RNF20: variants seen among roughly 807,000 people sequenced by gnomAD.
The protein encoded by RNF20 is E3 ubiquitin-protein ligase BRE1A.
A neutral mutation model predicts 126.2 loss-of-function variants in RNF20; 84 were observed. The observed-to-expected ratio is 0.67, with a 90% CI of 0.56 to 0.80. RNF20 has a LOEUF of 0.80. Ranked by LOEUF, RNF20 falls within the 30% of genes least tolerant of loss-of-function variation. The pLI, the probability that RNF20 is intolerant of heterozygous loss-of-function variation, is 0.00. For synonymous variants in RNF20, 400 were observed against 414.3 expected (o/e 0.97, Z 0.42); for missense variants, 869 against 1,188.2 (o/e 0.73, Z 3.95).
Position 101,557,472 on chromosome 9 carries a change from T to C in RNF20, c.2258T>C (p.Leu753Ser). The C allele has an allele frequency of 6.2e-7, 1 of 1,614,002 alleles. No homozygotes were observed. Among genetic ancestry groups the C allele is most frequent in the Non-Finnish European group, 8.5e-7 (1 of 1,179,932 alleles). ...CAAAATATCCGTTTGATGCAGCAAT[T>C]GCGGGAGAAGGATGATGCAAATTTC... ...QEQNIRLMQQ[L>S]REKDDANFKL... The change falls in exon 16 of 20, where the codon TTG becomes TCG. Residue 753 changes from leucine to serine, a missense_variant. Leu to Ser is a moderately radical substitution (Grantham distance 145). This residue lies in a region of RNF20 where 30 missense variants were observed against 75.2 expected (regional missense o/e 0.40). Transcript: ENST00000389120.
chr9:101,539,484 T>G (rs372239294), intron 2 of RNF20, among the ~76,000 whole-genome samples: 1 of 152,070 alleles, frequency 6.6e-6, no homozygotes, highest in African/African-American at 2.4e-5. Context: ...GTAGCAGAGA[T>G]AGAAGGAGAC....
At chr9:101,557,635 A>G in intron 16 of RNF20, 39 bp downstream of exon 16, 4 of 1,462,838 alleles carry the variant, frequency 2.7e-6, no homozygotes, top group Non-Finnish European at 3.8e-6. Flanking sequence ...CTGTTGAAAT[A>G]GGGTGCTTTC....
chr9:101,549,669 G>A (rs1290459595), intron 9 of RNF20, among the ~76,000 whole-genome samples: 1 of 152,086 alleles, frequency 6.6e-6, no homozygotes, highest in African/African-American at 2.4e-5. Context: ...CCTGGTAACG[G>A]GCGTCTTCCC....
intron 18 of RNF20, 165 bp downstream of exon 18, chr9:101,561,395 C>A: frequency 1.5e-6 from 1 of 673,286 alleles, no homozygotes; most frequent in Admixed American, 2.9e-5. Context: ...GCCATATCCT[C>A]AGACTCTTTT....
At chr9:101,561,834 A>G (rs1482872500) in intron 18 of RNF20, 76 bp from the exon 19 acceptor site, 2 of 973,872 alleles carry the variant, frequency 2.1e-6, no homozygotes, top group Non-Finnish European at 3.3e-6. Context: ...CACAACAGAA[A>G]ACTCAAGTCT....
intron 15 of RNF20, among the ~76,000 whole-genome samples, chr9:101,556,080 A>G (rs1827527297): frequency 6.6e-6 from 1 of 152,148 alleles, no homozygotes; most frequent in Non-Finnish European, 1.5e-5. Context: ...TAGAACAAGT[A>G]AAAAGAAAGA....
intron 13 of RNF20, among the ~76,000 whole-genome samples, chr9:101,553,236 C>G (rs537472689): frequency 6.6e-6 from 1 of 152,294 alleles, no homozygotes; most frequent in Non-Finnish European, 1.5e-5. Flanking sequence ...CATTGACACA[C>G]TAAGATAGAC....
chr9:101,546,753 G>C, intron 6 of RNF20, 67 bp from the exon 7 acceptor site: 2 of 1,528,078 alleles, frequency 1.3e-6, no homozygotes, highest in South Asian at 2.3e-5. Context: ...TCATAAGCAA[G>C]GGTTAATATT....
chr9:101,554,867 T>C (rs773403749), intron 15 of RNF20, 24 bp downstream of exon 15: 3 of 1,383,262 alleles, frequency 2.2e-6, no homozygotes, highest in Admixed American at 2.7e-5. Flanking sequence ...CTTTATTTAA[T>C]TGACTTTTTG....
rs748670338 is a variant in RNF20 at position 101,552,478 on chromosome 9, C to T, written c.1626C>T (p.Asp542=). 6.2e-7 allele frequency: 1 copy of T among 1,613,920 alleles called. No homozygotes were observed. Among genetic ancestry groups the T allele is most frequent in the East Asian group, 2.2e-5 (1 of 44,878 alleles). The change falls in exon 13 of 20, where the codon GAC becomes GAT. Residue 542 remains aspartate, a synonymous_variant. Coordinates refer to ENST00000389120, the MANE Select transcript of RNF20 (RefSeq NM_019592.7). ...CGGAGCTAAAACCAGATTCTGAGGA[C>T]TTATCCTCCCAGTCCTCAGCTTCAA... ...EPAELKPDSE[D]LSSQSSASKA...
At chr9:101,548,583 T>C (rs529116012) in intron 9 of RNF20, among the ~76,000 whole-genome samples, 5 of 152,318 alleles carry the variant, frequency 3.3e-5, no homozygotes, top group Non-Finnish European at 5.9e-5. Flanking sequence ...ACCTTAAATA[T>C]GTATAATTTT....
At position 101,535,408 on chromosome 9, in the gene RNF20, GTCT is replaced by G. The variant is rs1827167068; in HGVS notation, c.-9_-7del. 8 of 1,610,736 alleles carry G rather than the reference GTCT, an allele frequency of 5.0e-6. No homozygotes were observed. Among genetic ancestry groups the G allele is most frequent in the African/African-American group, 1.3e-5 (1 of 74,538 alleles). ...CTTTTTTTCTATCAGGAAAACGACT[GTCT>G]TCTTCTGCCAAAATGTCAGGAATTG... On this transcript the variant is annotated 5_prime_UTR_variant, in exon 2 of 20. Coordinates refer to ENST00000389120, the MANE Select transcript of RNF20 (RefSeq NM_019592.7).
intron 5 of RNF20, among the ~76,000 whole-genome samples, chr9:101,544,492 G>C (rs1391670927): frequency 6.6e-6 from 1 of 152,134 alleles, no homozygotes; most frequent in African/African-American, 2.4e-5. Context: ...GATCACCTGA[G>C]GTCAGGAGTT....
chr9:101,550,462 T>G (rs758111952), intron 9 of RNF20, 144 bp from the exon 10 acceptor site: 2 of 697,718 alleles, frequency 2.9e-6, no homozygotes, highest in Non-Finnish European at 5.0e-6. Context: ...TTTACATAAC[T>G]ACAGCAATGG....
rs778102352 is a variant in RNF20, at chr9:101,540,291, G to A, written c.218G>A (p.Arg73His). The A allele has an allele frequency of 6.2e-6, 10 of 1,614,010 alleles. No individual in the cohort carries two copies. The highest frequency in any genetic ancestry group is 2.2e-5 in the East Asian group (1 of 44,886). Residue 73 changes from arginine (R) to histidine (H), a missense_variant, in exon 3 of 20, where the codon CGT becomes CAT. Coordinates refer to ENST00000389120, the MANE Select transcript of RNF20 (RefSeq NM_019592.7). The part of the protein sequence containing the change: ...DQRQAIEDEL[R>H]EHIEKLERRQ... ...CGGCAGGCCATTGAAGATGAACTTC[G>A]TGAGCACATTGAAAAACTGGAACGA...
At position 101,561,929 on chromosome 9, in the gene RNF20, G is replaced by T. The variant is rs765193349; in HGVS notation, c.2669G>T (p.Arg890Leu). Residue 890 changes from arginine (R) to leucine (L), a missense_variant, in exon 19 of 20, where the codon CGC (arginine) becomes CTC (leucine). Physicochemically the swap from Arg to Leu is moderately radical, Grantham distance 102 (BLOSUM62 -2). Transcript: ENST00000389120. ...KRAQEDISRL[R>L]RKLETTKKPD... ...CCACAGGAGGACATCTCTAGACTTCGCAGGAAGCTGGAGACCACAAAGAAA... is the reference window on the plus strand; with the variant it reads ...CCACAGGAGGACATCTCTAGACTTCTCAGGAAGCTGGAGACCACAAAGAAA... The T allele has an allele frequency of 6.2e-7, 1 of 1,612,974 alleles. No homozygotes were observed. Among genetic ancestry groups the T allele is most frequent in the Non-Finnish European group, 8.5e-7 (1 of 1,179,034 alleles).
intron 13 of RNF20, 50 bp from the exon 14 acceptor site, chr9:101,553,938 C>T (rs779752622): frequency 2.9e-6 from 3 of 1,050,030 alleles, no homozygotes; most frequent in Non-Finnish European, 4.4e-6. Context: ...CTCTGATGAC[C>T]TTTATTTTCT....
Position 101,561,968 on chromosome 9 carries a change from C to T in RNF20, c.2708C>T (p.Pro903Leu), listed in dbSNP as rs375779121. The T allele has an allele frequency of 2.5e-6, 4 of 1,612,866 alleles. No homozygotes were observed. The highest frequency in any genetic ancestry group is 3.4e-6 in the Non-Finnish European group (4 of 1,179,564). ...ACCACAAAGAAACCAGACAATGTAC[C>T]CAAGTGTGATGAGATTCTGATGGAA... ...LETTKKPDNV[P>L]KCDEILMEEI... is the part of the protein sequence containing the mutation. Residue 903 changes from proline (P) to leucine (L), a missense_variant, in exon 19 of 20, where the codon CCC (proline) becomes CTC (leucine). Pro to Leu is a moderately conservative substitution (Grantham distance 98). Transcript: ENST00000389120.
At chr9:101,547,016 C>G (rs1360917277) in intron 7 of RNF20, 50 bp downstream of exon 7, 9 of 1,608,462 alleles carry the variant, frequency 5.6e-6, no homozygotes, top group East Asian at 2.2e-5. Flanking sequence ...AAGGAGTGTT[C>G]TCAGGAAGAC....
Sources: gnomAD v4.1 joint callset for allele counts (sites outside exome capture counted in the v4.1 genomes callset) on GRCh38, gnomAD v4.1.1 for gene constraint, gnomAD v4.1.1 regional missense constraint, MANE v1.5 for transcripts, NCBI Gene and HGNC (gene_info 2026-07-23, HGNC 2026-07-21) for gene names.